Variants in FRAS1 observed in about 807,000 individuals in gnomAD.
FRAS1 encodes Fraser extracellular matrix complex subunit 1, also known as extracellular matrix organizing protein FRAS1.
In FRAS1, 290 loss-of-function variants were observed where a neutral mutation model predicts 435.2. The ratio of observed to expected loss-of-function variants is 0.67; its 90% confidence interval spans 0.61 to 0.73. The LOEUF is 0.73. Ranked by LOEUF, FRAS1 falls within the 30% of genes least tolerant of loss-of-function variation. FRAS1 has a pLI of 0.00. For missense variants in FRAS1, 4,860 were observed against 5,001.5 expected, an observed-to-expected ratio of 0.97 and a Z score of 0.85; for synonymous variants, 1,800 against 1,851.0, an observed-to-expected ratio of 0.97 and a Z score of 0.71.
Position 78,540,610 on chromosome 4 carries a change from G to A in FRAS1, c.11525G>A (p.Arg3842His), listed in dbSNP as rs749262025. ...ACCATCTCAGGGCCCCGGGTCCAGC[G>A]CTCTCTCACAGCTCCACTCAGACGC... The part of the protein sequence containing the change: ...PDTISGPRVQ[R>H]SLTAPLRRNR... The change falls in exon 74 of 74, where the codon CGC (arginine) becomes CAC (histidine). Residue 3842 changes from arginine (R) to histidine (H), a missense_variant. By Grantham distance (29) the Arg-to-His change is conservative. Coordinates refer to ENST00000512123, the MANE Select transcript of FRAS1 (RefSeq NM_025074.7). 17 of 1,557,520 alleles carry A rather than the reference G, an allele frequency of 1.1e-5. No individual in the cohort carries two copies. In the East Asian group the frequency reaches 1.6e-4, roughly 14 times the overall value.
chr4:78,413,997 A>G lies in FRAS1; in HGVS notation c.4425+912A>G, dbSNP rs1297152447. On this transcript the variant is annotated intron_variant, in intron 32 of 73. Transcript: ENST00000512123. ...TGGGTCCACATTTTAGTTAGCACCC[A>G]CACAATTACACTCCAAAGTACTGTA... Among the ~76,000 whole-genome samples, 4 of 152,194 alleles carry G rather than the reference A, an allele frequency of 2.6e-5. No individual in the cohort carries two copies. In the East Asian group the frequency reaches 7.7e-4, roughly 29 times the overall value.
At chr4:78,285,560 G>C (rs190286655) in intron 13 of FRAS1, among the ~76,000 whole-genome samples, 3 of 151,510 alleles carry the variant, frequency 2.0e-5, no homozygotes, top group African/African-American at 7.3e-5. Context: ...AGCCTCCTGA[G>C]TAGCTGAGAT....
intron 2 of FRAS1, among the ~76,000 whole-genome samples, chr4:78,195,187 G>A (rs1256625420): frequency 2.0e-5 from 3 of 152,214 alleles, no homozygotes; most frequent in Non-Finnish European, 4.4e-5. Context: ...CCCCTACTAG[G>A]GGGTGCCTCG....
At chr4:78,118,477 C>G (rs574023241) in intron 2 of FRAS1, among the ~76,000 whole-genome samples, 3 of 152,210 alleles carry the variant, frequency 2.0e-5, no homozygotes, top group African/African-American at 7.2e-5. Flanking sequence ...GCAGATCGAG[C>G]TTCCCGGCTG....
At chr4:78,244,020 A>G (rs1287476577) in intron 3 of FRAS1, among the ~76,000 whole-genome samples, 2 of 152,142 alleles carry the variant, frequency 1.3e-5, no homozygotes, top group Non-Finnish European at 2.9e-5. Context: ...TTAATATTGC[A>G]TAGTATGTAT....
intron 46 of FRAS1, 127 bp downstream of exon 46, chr4:78,452,018 A>G: frequency 3.2e-6 from 4 of 1,257,596 alleles, no homozygotes; most frequent in Non-Finnish European, 4.4e-6. Context: ...ACTGAAAATC[A>G]TACCCCCTTT....
intron 12 of FRAS1, among the ~76,000 whole-genome samples, chr4:78,283,514 A>G (rs1195639326): frequency 6.6e-6 from 1 of 152,186 alleles, no homozygotes; most frequent in East Asian, 1.9e-4. Flanking sequence ...TCCAGTTAAT[A>G]ATTGTTGGCA....
chr4:78,066,093 T>TACCTGAGGTCAGGAGTTGGA, intron 2 of FRAS1, 77 bp downstream of exon 2: 3 of 965,188 alleles, frequency 3.1e-6, no homozygotes, highest in Non-Finnish European at 5.0e-6. Context: ...GTGAGTGAGT[T>TACCTGAGGTCAGGAGTTGGA]GACCCTATCA....
At chr4:78,153,952 TTACTC>T (rs747302919) in intron 2 of FRAS1, among the ~76,000 whole-genome samples, 9 of 152,304 alleles carry the variant, frequency 5.9e-5, no homozygotes, top group East Asian at 1.9e-4. Flanking sequence ...ATAAAATTCT[TTACTC>T]TACAATTTTT....
Position 78,258,446 on chromosome 4 carries a change from TG to T in FRAS1, c.603+3076del, listed in dbSNP as rs547048426. On this transcript the variant is annotated intron_variant, in intron 6 of 73. Coordinates refer to ENST00000512123, the MANE Select transcript of FRAS1 (RefSeq NM_025074.7). The stretch of plus-strand genomic sequence containing the variant: ...GTTGCTGTCATACATGAAAGACAAT[TG>T]GGGGTATCTAAAATTTGGAAGGACT... 8.6e-5 allele frequency among the ~76,000 whole-genome samples: 13 copies of T among 151,550 alleles called. No individual in the cohort carries two copies. The South Asian group carries it at 2.5e-3, about 29-fold the overall frequency.
chr4:78,318,949 A>C lies in FRAS1; in HGVS notation c.2100A>C (p.Arg700Ser). Residue 700 changes from arginine to serine, a missense_variant, in exon 18 of 74, where the codon AGA becomes AGC. By Grantham distance (110) the Arg-to-Ser change is moderately radical. Transcript: ENST00000512123. ...IPSGECLAQCRAHFYLESTGI... is the reference protein window; with the variant it reads ...IPSGECLAQCSAHFYLESTGI... ...CTGGCGAGTGTCTAGCCCAGTGTAG[A>C]GCCCATTTTTACTTGGAGAGCACTG... The C allele has an allele frequency of 6.2e-7, 1 of 1,613,964 alleles. No homozygotes were observed. Among genetic ancestry groups the C allele is most frequent in the Non-Finnish European group, 8.5e-7 (1 of 1,179,880 alleles).
chr4:78,104,216 G>A (rs1341773124), intron 2 of FRAS1, among the ~76,000 whole-genome samples: 2 of 152,202 alleles, frequency 1.3e-5, no homozygotes, highest in Non-Finnish European at 2.9e-5. Context: ...AACTTCTTGA[G>A]GTACTGCTGC....
At chr4:78,307,665 C>A (rs999701616) in intron 14 of FRAS1, among the ~76,000 whole-genome samples, 1 of 152,256 alleles carries the variant, frequency 6.6e-6, no homozygotes, top group Non-Finnish European at 1.5e-5. Flanking sequence ...GGGGAACTCC[C>A]TGACCCCTTG....
intron 39 of FRAS1, 80 bp from the exon 40 acceptor site, chr4:78,438,822 C>A (rs1734534043): frequency 1.3e-5 from 19 of 1,498,222 alleles, no homozygotes; most frequent in Non-Finnish European, 1.5e-5. Flanking sequence ...GGTTTGGCCC[C>A]ATTTTTAAAC....
At chr4:78,292,684 C>T (rs1727949726) in intron 14 of FRAS1, among the ~76,000 whole-genome samples, 1 of 152,128 alleles carries the variant, frequency 6.6e-6, no homozygotes, top group African/African-American at 2.4e-5. Context: ...TTCTGAAATC[C>T]AGGAGCCCTC....
intron 45 of FRAS1, among the ~76,000 whole-genome samples, chr4:78,451,108 T>C (rs980105396): frequency 3.9e-5 from 6 of 152,064 alleles, no homozygotes; most frequent in Non-Finnish European, 5.9e-5. Flanking sequence ...CCTTAATTAT[T>C]TCATATGTCG....
At chr4:78,489,183 A>T in intron 59 of FRAS1, 103 bp downstream of exon 59, 1 of 1,067,438 alleles carries the variant, frequency 9.4e-7, no homozygotes, top group Non-Finnish European at 1.3e-6. Flanking sequence ...AGAATTTTGT[A>T]TACTACAGGT....
rs143823021 is a variant in FRAS1 at position 78,103,752 on chromosome 4, G to A, written c.108+37736G>A. ...GTCATTGTCTATGAGAAAGTGGGCC[G>A]TCACTAGACACTGAACCAGCTGGCA... On this transcript the variant is annotated intron_variant, in intron 2 of 73. Transcript: ENST00000512123. Among the ~76,000 whole-genome samples the A allele has an allele frequency of 5.1e-3, 772 of 152,288 alleles. 5 individuals carry two copies. Among genetic ancestry groups the A allele is most frequent in the African/African-American group, 0.018 (734 of 41,562 alleles).
chr4:78,156,891 G>A (rs914149747), intron 2 of FRAS1, among the ~76,000 whole-genome samples: 3 of 152,142 alleles, frequency 2.0e-5, no homozygotes, highest in African/African-American at 7.2e-5. Flanking sequence ...GCTGTTCCAT[G>A]TCCTTTCCAG....
Sources: gnomAD v4.1 joint callset for allele counts (sites outside exome capture counted in the v4.1 genomes callset) on GRCh38, gnomAD v4.1.1 for gene constraint, MANE v1.5 for transcripts, NCBI Gene and HGNC (gene_info 2026-07-23, HGNC 2026-07-21) for gene names.